NCKAP5: variants seen among roughly 807,000 people sequenced by gnomAD.
The protein encoded by NCKAP5 is nck-associated protein 5.
Under a neutral mutation model 167.0 loss-of-function variants are expected in NCKAP5, and 92 were observed. The observed-to-expected ratio is 0.55, with a 90% CI of 0.47 to 0.66. NCKAP5 has a LOEUF of 0.66. NCKAP5 is among the 30% of genes least tolerant of loss of function. NCKAP5 has a pLI of 0.00. For missense variants in NCKAP5, 2,378 were observed against 2,315.0 expected, an observed-to-expected ratio of 1.03 and a Z score of -0.56; for synonymous variants, 891 against 877.4, an observed-to-expected ratio of 1.02 and a Z score of -0.27.
chr2:133,295,517 C>A (rs192253654), intron 4 of NCKAP5, among the ~76,000 whole-genome samples: 227 of 152,174 alleles, frequency 1.5e-3, no homozygotes, highest in Non-Finnish European at 2.5e-3. Context: ...ATATCTATGA[C>A]ATAGTGACGC....
In NCKAP5 at chr2:132,790,067, C is replaced by T. The variant is rs866847159; in HGVS notation, c.1048G>A (p.Gly350Ser). The change falls in exon 13 of 20, where the codon GGC becomes AGC. Residue 350 changes from glycine (G) to serine (S), a missense_variant. By Grantham distance (56) the Gly-to-Ser change is moderately conservative. This residue lies in a region of NCKAP5 where 1,049 missense variants were observed against 1,023.4 expected (regional missense o/e 1.02). Transcript: ENST00000409261. ...LSSTCSEYSS[G>S]SSYTWHDGKN... ...CCATCGTGCCACGTGTAGGAGGAGC[C>T]ACTGGAGTACTCGCTGCAGGTGCTT... The T allele has an allele frequency of 6.2e-7, 1 of 1,613,294 alleles. No individual in the cohort carries two copies. Among genetic ancestry groups the T allele is most frequent in the Non-Finnish European group, 8.5e-7 (1 of 1,179,560 alleles).
the NCKAP5 span, among the ~76,000 whole-genome samples, chr2:133,647,763 GAA>G: frequency 4.7e-4 from 41 of 87,802 alleles, no homozygotes; most frequent in East Asian, 0.016. Flanking sequence ...GAAAAGAAAA[GAA>G]AAAAGAAAAG....
At chr2:133,514,616 A>T (rs955683485) in intron 3 of NCKAP5, among the ~76,000 whole-genome samples, 29 of 152,176 alleles carry the variant, frequency 1.9e-4, no homozygotes, top group African/African-American at 7.0e-4. Context: ...TTTCCTGTAA[A>T]ATCTGAAAGT....
chr2:133,123,446 C>T (rs762172782), intron 6 of NCKAP5: 5 of 193,232 alleles, frequency 2.6e-5, no homozygotes, highest in Non-Finnish European at 4.4e-5. Context: ...AAAATCTTTT[C>T]TTCCATCTGT....
chr2:133,072,624 T>A (rs1173401720), intron 6 of NCKAP5, among the ~76,000 whole-genome samples: 1 of 152,198 alleles, frequency 6.6e-6, no homozygotes, highest in Non-Finnish European at 1.5e-5. Flanking sequence ...ATGCCATTTT[T>A]AATTCCCTGG....
At chr2:133,545,192 A>C (rs1345009960) in intron 2 of NCKAP5, among the ~76,000 whole-genome samples, 1 of 152,134 alleles carries the variant, frequency 6.6e-6, no homozygotes, top group African/African-American at 2.4e-5. Context: ...TTTTTTCTTC[A>C]TCTATTTTTC....
At chr2:133,462,540 A>T (rs1294066485) in intron 3 of NCKAP5, among the ~76,000 whole-genome samples, 1 of 152,214 alleles carries the variant, frequency 6.6e-6, no homozygotes, top group Non-Finnish European at 1.5e-5. Flanking sequence ...AGTTCCAAAT[A>T]TACTTTTATA....
chr2:133,336,487 A>G (rs1224098097), intron 3 of NCKAP5, among the ~76,000 whole-genome samples: 1 of 152,146 alleles, frequency 6.6e-6, no homozygotes, highest in Non-Finnish European at 1.5e-5. Flanking sequence ...GTCTTGGTAA[A>G]TGTTTCAAAA....
chr2:133,315,458 G>T (rs778094831), intron 3 of NCKAP5, among the ~76,000 whole-genome samples: 34 of 152,292 alleles, frequency 2.2e-4, no homozygotes, highest in African/African-American at 7.2e-4. Context: ...TGGCAGTGAA[G>T]TTTGTGACGT....
intron 3 of NCKAP5, among the ~76,000 whole-genome samples, chr2:133,459,235 G>A (rs981991028): frequency 6.6e-6 from 1 of 152,090 alleles, no homozygotes; most frequent in Non-Finnish European, 1.5e-5. Flanking sequence ...TGATAGAGAC[G>A]GGGTCTCACT....
At chr2:132,806,518 T>C (rs369777868) in intron 11 of NCKAP5, among the ~76,000 whole-genome samples, 249 of 152,256 alleles carry the variant, frequency 1.6e-3, no homozygotes, top group African/African-American at 5.4e-3. Context: ...CCCTGATCAT[T>C]AGAGATATTG....
intron 5 of NCKAP5, among the ~76,000 whole-genome samples, chr2:133,188,430 C>T (rs536682462): frequency 1.9e-4 from 29 of 151,902 alleles, no homozygotes; most frequent in African/African-American, 6.5e-4. Context: ...TGCACCAAGC[C>T]GACCTAATAG....
At chr2:133,241,935 T>C (rs2087725395) in intron 4 of NCKAP5, among the ~76,000 whole-genome samples, 1 of 151,938 alleles carries the variant, frequency 6.6e-6, no homozygotes, top group Admixed American at 6.6e-5. Flanking sequence ...CTGGCCAACA[T>C]GGTAAAACTC....
chr2:133,111,770 T>C (rs1018000860), intron 6 of NCKAP5, among the ~76,000 whole-genome samples: 20 of 152,186 alleles, frequency 1.3e-4, no homozygotes, highest in African/African-American at 4.6e-4. Flanking sequence ...AAGAGCCTCA[T>C]TCACACTGGG....
chr2:132,982,451 T>C (rs1326264648), intron 7 of NCKAP5, among the ~76,000 whole-genome samples: 3 of 152,226 alleles, frequency 2.0e-5, no homozygotes, highest in South Asian at 2.1e-4. Flanking sequence ...GCACCTCTTA[T>C]ACATGTGGTC....
At chr2:132,895,080 C>T (rs1326140848) in intron 8 of NCKAP5, among the ~76,000 whole-genome samples, 1 of 152,038 alleles carries the variant, frequency 6.6e-6, no homozygotes, top group Non-Finnish European at 1.5e-5. Flanking sequence ...ATCTGTAATC[C>T]CAGCACTTTG....
chr2:133,532,563 C>T (rs1049993773), intron 2 of NCKAP5, among the ~76,000 whole-genome samples: 9 of 152,106 alleles, frequency 5.9e-5, no homozygotes, highest in Non-Finnish European at 8.8e-5. Flanking sequence ...AAAGCCAGTG[C>T]CCCCACCCTG....
At chr2:132,848,936 A>G (rs1688877357) in intron 11 of NCKAP5, among the ~76,000 whole-genome samples, 1 of 152,234 alleles carries the variant, frequency 6.6e-6, no homozygotes, top group Admixed American at 6.5e-5. Context: ...ATGGGTATTC[A>G]GGATCTGTCA....
upstream of NCKAP5, among the ~76,000 whole-genome samples, chr2:133,571,365 G>C (rs1688860963): frequency 1.3e-5 from 2 of 152,044 alleles, no homozygotes. Flanking sequence ...AAGAGGGTGG[G>C]GGTAGGGGAG....
Sources: gnomAD v4.1 joint callset for allele counts (sites outside exome capture counted in the v4.1 genomes callset) on GRCh38, gnomAD v4.1.1 for gene constraint, gnomAD v4.1.1 regional missense constraint, MANE v1.5 for transcripts, NCBI Gene and HGNC (gene_info 2026-07-23, HGNC 2026-07-21) for gene names.